STK32A: variants seen among roughly 807,000 people sequenced by gnomAD.
The protein encoded by STK32A is serine/threonine-protein kinase 32A.
A neutral mutation model predicts 53.2 loss-of-function variants in STK32A; 41 were observed. The observed-to-expected ratio is 0.77, with a 90% CI of 0.60 to 1.00. The LOEUF is 1.00. Among genes scored for constraint, STK32A ranks in the 50% least tolerant of loss-of-function variants. The pLI is 0.00. For missense variants in STK32A, 458 were observed against 485.8 expected (o/e 0.94, Z 0.54); for synonymous variants, 166 against 162.8 (o/e 1.02, Z -0.15).
chr5:147,312,412 T>C (rs1233042289), intron 4 of STK32A, among the ~76,000 whole-genome samples: 2 of 152,180 alleles, frequency 1.3e-5, no homozygotes, highest in Non-Finnish European at 2.9e-5. Flanking sequence ...CCTGAACACT[T>C]ACTATAAATA....
intron 2 of STK32A, among the ~76,000 whole-genome samples, chr5:147,245,865 T>G (rs1753751506): frequency 6.6e-6 from 1 of 152,188 alleles, no homozygotes; most frequent in African/African-American, 2.4e-5. Flanking sequence ...CTGTTTCCAG[T>G]TTTCCAGCAT....
At chr5:147,348,921 G>C in intron 6 of STK32A, 1 of 538,746 alleles carries the variant, frequency 1.9e-6, no homozygotes, top group Non-Finnish European at 3.4e-6. Flanking sequence ...ACTTTACAGA[G>C]AGGATAAGTG....
intron 6 of STK32A, among the ~76,000 whole-genome samples, chr5:147,347,644 T>A (rs1282857946): frequency 1.3e-5 from 2 of 152,158 alleles, no homozygotes; most frequent in Non-Finnish European, 2.9e-5. Flanking sequence ...GAAACTCTGC[T>A]CTAAGGCTCA....
intron 6 of STK32A, among the ~76,000 whole-genome samples, chr5:147,345,739 A>G (rs1002088817): frequency 6.6e-6 from 1 of 152,118 alleles, no homozygotes; most frequent in African/African-American, 2.4e-5. Flanking sequence ...ACAGAATACA[A>G]GCCATCATTC....
intron 4 of STK32A, among the ~76,000 whole-genome samples, chr5:147,302,325 T>C (rs976791501): frequency 3.9e-5 from 6 of 152,106 alleles, no homozygotes; most frequent in African/African-American, 1.4e-4. Context: ...TTAAAGTGAG[T>C]TTATTCGAGT....
At chr5:147,348,746 G>T (rs1403514502) in intron 6 of STK32A, 1 of 768,926 alleles carries the variant, frequency 1.3e-6, no homozygotes, top group East Asian at 2.4e-5. Flanking sequence ...GGAGACCGAA[G>T]CCCAGGCACA....
At chr5:147,397,566 G>C in the STK32A span, 2 of 1,220,248 alleles carry the variant, frequency 1.6e-6, no homozygotes, top group Non-Finnish European at 1.1e-6. Context: ...TTCTCTGTGA[G>C]AGTCTAGAGA....
chr5:147,235,797 C>T (rs1162508992), intron 1 of STK32A, among the ~76,000 whole-genome samples: 1 of 152,088 alleles, frequency 6.6e-6, no homozygotes. Flanking sequence ...TTGTGGCTGT[C>T]TTTGGAAAGT....
chr5:147,267,648 T>C (rs1378740565), intron 2 of STK32A, among the ~76,000 whole-genome samples: 1 of 152,204 alleles, frequency 6.6e-6, no homozygotes, highest in Non-Finnish European at 1.5e-5. Context: ...GCAGAAGTTC[T>C]ATCATTAATC....
chr5:147,364,584 A>C (rs913573651), intron 8 of STK32A, among the ~76,000 whole-genome samples: 16 of 152,166 alleles, frequency 1.1e-4, no homozygotes, highest in African/African-American at 3.9e-4. Flanking sequence ...AGGCAACAGA[A>C]ATTTATTTTC....
chr5:147,302,214 T>A (rs1465187799), intron 4 of STK32A, among the ~76,000 whole-genome samples: 1 of 152,218 alleles, frequency 6.6e-6, no homozygotes, highest in Admixed American at 6.5e-5. Flanking sequence ...TTTCACTTTT[T>A]ACTATCTATG....
chr5:147,258,030 A>G (rs922404181), intron 2 of STK32A, among the ~76,000 whole-genome samples: 1 of 151,960 alleles, frequency 6.6e-6, no homozygotes, highest in Non-Finnish European at 1.5e-5. Context: ...TTCTTATACC[A>G]GATAAGCTAA....
intron 4 of STK32A, among the ~76,000 whole-genome samples, chr5:147,303,854 A>G (rs1753264067): frequency 6.6e-6 from 1 of 152,178 alleles, no homozygotes; most frequent in African/African-American, 2.4e-5. Context: ...CTTAGTAGAG[A>G]AGTGTTATTC....
chr5:147,271,038 C>G (rs1038409346), intron 2 of STK32A, among the ~76,000 whole-genome samples: 1 of 151,708 alleles, frequency 6.6e-6, no homozygotes, highest in Non-Finnish European at 1.5e-5. Flanking sequence ...CTCTGTCACC[C>G]AGGCTGGAGT....
At chr5:147,276,952 A>G (rs1755291333) in intron 2 of STK32A, among the ~76,000 whole-genome samples, 1 of 152,192 alleles carries the variant, frequency 6.6e-6, no homozygotes, top group South Asian at 2.1e-4. Flanking sequence ...ATGCTGCCTC[A>G]CATGACTAAG....
chr5:147,315,853 T>A (rs1277600498), intron 4 of STK32A, among the ~76,000 whole-genome samples: 1 of 152,158 alleles, frequency 6.6e-6, no homozygotes, highest in Non-Finnish European at 1.5e-5. Context: ...GTATTTGACT[T>A]TGAAAATATG....
At chr5:147,379,780 C>T (rs1014450200) in intron 11 of STK32A, among the ~76,000 whole-genome samples, 2 of 152,096 alleles carry the variant, frequency 1.3e-5, no homozygotes, top group African/African-American at 2.4e-5. Flanking sequence ...TTTCAGATGC[C>T]GTCTCCAGCT....
chr5:147,294,278 A>G lies in STK32A; in HGVS notation c.260+14880A>G, dbSNP rs541078157. On this transcript the variant is annotated intron_variant, in intron 4 of 12. Coordinates refer to ENST00000397936, the MANE Select transcript of STK32A (RefSeq NM_001112724.2). ...TTCAGTTTTGTCCTATACTTCTTTT[A>G]TTTTGAGACAGAGTCTCACTCTGCC... Among the ~76,000 whole-genome samples, 18 of 152,210 alleles carry G rather than the reference A, an allele frequency of 1.2e-4. 1 individual carries two copies. In the East Asian group the frequency reaches 3.1e-3, roughly 26 times the overall value.
At chr5:147,375,417 C>T (rs1459221073) in intron 11 of STK32A, 199 bp downstream of exon 11, 2 of 515,586 alleles carry the variant, frequency 3.9e-6, no homozygotes, top group Admixed American at 4.0e-5. Context: ...TACTTGTAGG[C>T]TTTCCGTCTA....
Sources: allele counts gnomAD v4.1 joint callset (sites outside exome capture counted in the v4.1 genomes callset), GRCh38; gene constraint gnomAD v4.1.1; transcripts MANE v1.5; gene names NCBI Gene and HGNC (gene_info 2026-07-23, HGNC 2026-07-21).